Variants in SLC38A1 observed in about 807,000 individuals in gnomAD.
SLC38A1 encodes solute carrier family 38 member 1, also known as sodium-coupled neutral amino acid symporter 1.
A neutral mutation model predicts 60.3 loss-of-function variants in SLC38A1; 18 were observed. The observed-to-expected ratio is 0.30, with a 90% CI of 0.21 to 0.44. SLC38A1 has a LOEUF of 0.44. Ranked by LOEUF, SLC38A1 falls within the 20% of genes least tolerant of loss-of-function variation. The probability of loss-of-function intolerance (pLI) is 1.00; values close to 1 mark genes in which losing one functional copy is unlikely to be tolerated. For synonymous variants in SLC38A1, 196 were observed against 212.1 expected (o/e 0.92, Z 0.66); for missense variants, 448 against 587.2 (o/e 0.76, Z 2.45).
intron 11 of SLC38A1, among the ~76,000 whole-genome samples, chr12:46,204,081 A>AT (rs1939781281): frequency 6.6e-6 from 1 of 152,202 alleles, no homozygotes; most frequent in Admixed American, 6.5e-5. Context: ...ATTATCCAGA[A>AT]TGGGATTTTC....
chr12:46,195,996 C>T (rs1565749406), intron 16 of SLC38A1: 7 of 695,466 alleles, frequency 1.0e-5, no homozygotes, highest in African/African-American at 1.8e-5. Context: ...GAACCAGGTA[C>T]CTCAGTTGGA....
chr12:46,258,956 G>C (rs1332240242), intron 1 of SLC38A1, among the ~76,000 whole-genome samples: 1 of 152,076 alleles, frequency 6.6e-6, no homozygotes, highest in African/African-American at 2.4e-5. Flanking sequence ...GCCCAGCCAG[G>C]GTTTTGGATT....
intron 3 of SLC38A1, among the ~76,000 whole-genome samples, chr12:46,231,796 C>T (rs1941086284): frequency 6.6e-6 from 1 of 152,134 alleles, no homozygotes; most frequent in Non-Finnish European, 1.5e-5. Flanking sequence ...TGCACCACCA[C>T]GCCCAGCTAA....
At chr12:46,221,817 C>A (rs1161417362) in intron 5 of SLC38A1, among the ~76,000 whole-genome samples, 9 of 152,114 alleles carry the variant, frequency 5.9e-5, no homozygotes, top group African/African-American at 2.2e-4. Context: ...TAGAAAGATA[C>A]AAATGACACT....
intron 1 of SLC38A1, among the ~76,000 whole-genome samples, chr12:46,247,427 G>C (rs1941660991): frequency 6.6e-6 from 1 of 152,164 alleles, no homozygotes; most frequent in Non-Finnish European, 1.5e-5. Context: ...GTGGAAGAAA[G>C]GGTATCAGTG....
chr12:46,246,581 C>A (rs999467247), intron 1 of SLC38A1, among the ~76,000 whole-genome samples: 2 of 152,246 alleles, frequency 1.3e-5, no homozygotes, highest in African/African-American at 4.8e-5. Flanking sequence ...GGGGGCAGAG[C>A]ATAGCTGAAG....
chr12:46,194,345 C>G (rs1939274520), intron 16 of SLC38A1, among the ~76,000 whole-genome samples: 1 of 152,298 alleles, frequency 6.6e-6, no homozygotes, highest in East Asian at 1.9e-4. Flanking sequence ...AACCCAACCT[C>G]TCTTTCTGGC....
chr12:46,266,391 T>A (rs776471943), intron 1 of SLC38A1, among the ~76,000 whole-genome samples: 4 of 152,054 alleles, frequency 2.6e-5, no homozygotes, highest in Non-Finnish European at 5.9e-5. Flanking sequence ...ACCTTTAAAA[T>A]CTATTCATCT....
intron 5 of SLC38A1, among the ~76,000 whole-genome samples, chr12:46,228,931 G>T (rs1940966978): frequency 6.6e-6 from 1 of 152,044 alleles, no homozygotes; most frequent in Non-Finnish European, 1.5e-5. Flanking sequence ...GCTTATTTCA[G>T]TATTTTTGAT....
intron 5 of SLC38A1, among the ~76,000 whole-genome samples, chr12:46,222,945 T>C (rs939772640): frequency 1.6e-4 from 24 of 152,338 alleles, no homozygotes; most frequent in African/African-American, 5.3e-4. Flanking sequence ...GGGATGGTTA[T>C]TGGTGGAACA....
At chr12:46,213,851 T>C (rs1411460636) in intron 5 of SLC38A1, among the ~76,000 whole-genome samples, 3 of 152,202 alleles carry the variant, frequency 2.0e-5, no homozygotes, top group Non-Finnish European at 4.4e-5. Context: ...ATTTACCTAT[T>C]TACCTTCAAC....
At chr12:46,252,450 A>G (rs1157298705) in intron 1 of SLC38A1, among the ~76,000 whole-genome samples, 2 of 152,148 alleles carry the variant, frequency 1.3e-5, no homozygotes. Flanking sequence ...ACAAACCTGC[A>G]CGTTGTGCAC....
chr12:46,218,427 G>A (rs1940509340), intron 5 of SLC38A1, among the ~76,000 whole-genome samples: 1 of 152,126 alleles, frequency 6.6e-6, no homozygotes, highest in African/African-American at 2.4e-5. Flanking sequence ...GTAGAAAGGT[G>A]GATTGGGGGC....
chr12:46,210,706 ATAAGGGGAAACCCCT>A (rs2137305942), intron 5 of SLC38A1, among the ~76,000 whole-genome samples: 2 of 152,256 alleles, frequency 1.3e-5, no homozygotes, highest in South Asian at 4.1e-4. Context: ...TGGTTTTTTT[ATAAGGGGAAACCCCT>A]TTCACTTGTC....
At chr12:46,229,074 C>T in intron 5 of SLC38A1, 79 bp downstream of exon 5, 3 of 746,732 alleles carry the variant, frequency 4.0e-6, no homozygotes, top group Non-Finnish European at 6.5e-6. Flanking sequence ...ATAAATATTT[C>T]ACATTTCTTC....
intron 3 of SLC38A1, among the ~76,000 whole-genome samples, chr12:46,232,974 C>T (rs1205593578): frequency 6.6e-6 from 1 of 152,064 alleles, no homozygotes; most frequent in Admixed American, 6.5e-5. Flanking sequence ...TTGCAGAACC[C>T]AAGGATATGG....
intron 1 of SLC38A1, among the ~76,000 whole-genome samples, chr12:46,255,769 T>C (rs1193285091): frequency 1.3e-5 from 2 of 152,216 alleles, no homozygotes; most frequent in Non-Finnish European, 2.9e-5. Flanking sequence ...GGACTGACTT[T>C]TTCCAGCATA....
chr12:46,204,516 T>A lies in SLC38A1; in HGVS notation c.705+16A>T. The stretch of plus-strand genomic sequence containing the variant: ...ACTATCACAAAACCAAACCAACCAT[T>A]GCAATCAGCACTTACCACAATTAGG... On this transcript the variant is annotated intron_variant, in intron 10 of 16. Transcript: ENST00000398637. The A allele has an allele frequency of 6.2e-7, 1 of 1,612,636 alleles. No homozygotes were observed. The highest frequency in any genetic ancestry group is 8.5e-7 in the Non-Finnish European group (1 of 1,179,134).
At chr12:46,242,156 T>C (rs2138352374) in intron 2 of SLC38A1, among the ~76,000 whole-genome samples, 1 of 152,288 alleles carries the variant, frequency 6.6e-6, no homozygotes, top group Admixed American at 6.5e-5. Flanking sequence ...TCACTAAAAT[T>C]AGGTCAATAT....
Sources: gnomAD v4.1 joint callset for allele counts (sites outside exome capture counted in the v4.1 genomes callset) on GRCh38, gnomAD v4.1.1 for gene constraint, MANE v1.5 for transcripts, NCBI Gene and HGNC (gene_info 2026-07-23, HGNC 2026-07-21) for gene names.